CACHD1: variants seen among roughly 807,000 people sequenced by gnomAD.
CACHD1 encodes the protein VWFA and cache domain-containing protein 1.
A neutral mutation model predicts 138.7 loss-of-function variants in CACHD1; 71 were observed. The observed-to-expected ratio is 0.51, with a 90% confidence interval of 0.42 to 0.62. The LOEUF (loss-of-function observed/expected upper bound fraction) is 0.62, where lower values mean the gene tolerates loss of function less well. CACHD1 is among the 20% of genes least tolerant of loss of function. The pLI, the probability that CACHD1 is intolerant of heterozygous loss-of-function variation, is 0.00. For missense variants in CACHD1, 1,389 were observed against 1,625.3 expected (o/e 0.85, Z 2.50); for synonymous variants, 578 against 591.5 (o/e 0.98, Z 0.33).
intron 17 of CACHD1, among the ~76,000 whole-genome samples, chr1:64,672,734 A>G (rs1241256093): frequency 1.3e-5 from 2 of 152,194 alleles, no homozygotes; most frequent in Non-Finnish European, 2.9e-5. Context: ...GTGTATATTT[A>G]TCATTGAAAG....
chr1:64,473,665 G>A (rs1234166448), intron 1 of CACHD1, among the ~76,000 whole-genome samples: 1 of 152,188 alleles, frequency 6.6e-6, no homozygotes, highest in Non-Finnish European at 1.5e-5. Flanking sequence ...TTGGCATTTT[G>A]AGCATAGTAC....
At chr1:64,681,151 G>A in intron 24 of CACHD1, 107 bp from the exon 25 acceptor site, 1 of 740,784 alleles carries the variant, frequency 1.3e-6, no homozygotes, top group Non-Finnish European at 2.3e-6. Context: ...ATTCATTCTT[G>A]ATGGAATGCT....
At chr1:64,527,669 C>T (rs182239773) in intron 1 of CACHD1, among the ~76,000 whole-genome samples, 1 of 152,286 alleles carries the variant, frequency 6.6e-6, no homozygotes, top group Non-Finnish European at 1.5e-5. Flanking sequence ...TTTCCTTTCT[C>T]TCTGTTTAAA....
At chr1:64,531,406 A>T (rs1001820903) in intron 1 of CACHD1, among the ~76,000 whole-genome samples, 2 of 152,216 alleles carry the variant, frequency 1.3e-5, no homozygotes, top group Non-Finnish European at 2.9e-5. Flanking sequence ...GCAAACATCT[A>T]ATTTAAGTCA....
intron 2 of CACHD1, among the ~76,000 whole-genome samples, chr1:64,557,803 T>C (rs1028104665): frequency 1.3e-5 from 2 of 151,234 alleles, no homozygotes; most frequent in African/African-American, 4.8e-5. Context: ...TTATTATTAT[T>C]ATTATTATTT....
chr1:64,474,820 T>G (rs1427137917), intron 1 of CACHD1, among the ~76,000 whole-genome samples: 1 of 152,236 alleles, frequency 6.6e-6, no homozygotes, highest in East Asian at 1.9e-4. Context: ...ACAAGGCCAG[T>G]GTGCCTGCCT....
chr1:64,646,573 C>CA (rs111831024), intron 8 of CACHD1, among the ~76,000 whole-genome samples: 33,037 of 146,490 alleles, frequency 0.23, 5,925 homozygotes, highest in East Asian at 0.63. Flanking sequence ...ACCAAAAATA[C>CA]AAAAAAAAAA....
In CACHD1 at chr1:64,653,947, C is replaced by T. The variant is rs146974529; in HGVS notation, c.1664+66C>T. 5.4e-5 allele frequency: 72 copies of T among 1,334,158 alleles called. No homozygotes were observed. In the Middle Eastern group the frequency reaches 6.1e-4, roughly 11 times the overall value. The allele number at this position is 1,334,158 out of a possible 1,614,324, so 82.6% of individuals were successfully genotyped here. A position where few individuals can be genotyped will look rare whatever the true frequency, so the allele number is the denominator to read the frequency against. ...GAATGGGACCCATCAAAGCCACATA[C>T]GAGTATTTACTACAGAGTATAAAAC... is the stretch of plus-strand genomic sequence containing the variant. On this transcript the variant is annotated intron_variant, in intron 11 of 26. Transcript: ENST00000651257.
At chr1:64,643,618 C>T (rs779603784) in intron 8 of CACHD1, among the ~76,000 whole-genome samples, 7 of 152,112 alleles carry the variant, frequency 4.6e-5, no homozygotes, top group East Asian at 1.9e-4. Context: ...GGGCGGATCA[C>T]GAGGTCAGGA....
intron 13 of CACHD1, among the ~76,000 whole-genome samples, chr1:64,660,910 C>G (rs1374112662): frequency 6.6e-6 from 1 of 152,286 alleles, no homozygotes; most frequent in East Asian, 1.9e-4. Context: ...ACAGCAAGCA[C>G]TGCCTCATAG....
At chr1:64,604,522 G>A (rs142508563) in intron 4 of CACHD1, among the ~76,000 whole-genome samples, 28 of 152,328 alleles carry the variant, frequency 1.8e-4, no homozygotes, top group African/African-American at 6.7e-4. Context: ...CATGAGAGAT[G>A]TTGCTTGTTC....
chr1:64,494,912 C>G (rs1646297914), intron 1 of CACHD1, among the ~76,000 whole-genome samples: 1 of 152,152 alleles, frequency 6.6e-6, no homozygotes, highest in African/African-American at 2.4e-5. Context: ...TCAGCTTCTG[C>G]TTGAGCACTT....
intron 2 of CACHD1, among the ~76,000 whole-genome samples, chr1:64,569,322 G>C (rs918010515): frequency 1.3e-5 from 2 of 152,116 alleles, no homozygotes; most frequent in Non-Finnish European, 2.9e-5. Context: ...GCCATCTATA[G>C]AAAATAGAAT....
intron 26 of CACHD1, among the ~76,000 whole-genome samples, chr1:64,684,345 T>TTTC (rs906556357): frequency 2.8e-4 from 42 of 149,040 alleles, no homozygotes; most frequent in Admixed American, 5.3e-4. Context: ...TTCTTTGTTT[T>TTTC]TTCTTCTTCT....
chr1:64,562,921 C>G (rs1387173936), intron 2 of CACHD1, among the ~76,000 whole-genome samples: 1 of 151,944 alleles, frequency 6.6e-6, no homozygotes, highest in Non-Finnish European at 1.5e-5. Flanking sequence ...CTTTTTTCTT[C>G]ATATATCAAA....
intron 2 of CACHD1, among the ~76,000 whole-genome samples, chr1:64,581,939 A>G (rs115056137): frequency 6.6e-6 from 1 of 152,164 alleles, no homozygotes; most frequent in Admixed American, 6.5e-5. Flanking sequence ...AAGAAGATAT[A>G]ATTTTACTGT....
At chr1:64,565,176 T>G (rs1380472114) in intron 2 of CACHD1, among the ~76,000 whole-genome samples, 2 of 151,462 alleles carry the variant, frequency 1.3e-5, no homozygotes, top group African/African-American at 4.9e-5. Context: ...GAAGGTGGGG[T>G]GGATGAATTC....
chr1:64,517,053 G>A (rs765085735), intron 1 of CACHD1, among the ~76,000 whole-genome samples: 13 of 152,186 alleles, frequency 8.5e-5, no homozygotes, highest in Non-Finnish European at 1.9e-4. Context: ...TCATGGGCTT[G>A]TGATGACATG....
chr1:64,575,063 C>A (rs181977475), intron 2 of CACHD1, among the ~76,000 whole-genome samples: 13 of 152,326 alleles, frequency 8.5e-5, no homozygotes, highest in African/African-American at 3.1e-4. Context: ...CACAATATTT[C>A]CCCAGTTACT....
Sources: gnomAD v4.1 joint callset for allele counts (sites outside exome capture counted in the v4.1 genomes callset) on GRCh38, gnomAD v4.1.1 for gene constraint, MANE v1.5 for transcripts, NCBI Gene and HGNC (gene_info 2026-07-23, HGNC 2026-07-21) for gene names.